Variants in RIMS2 observed in about 807,000 individuals in gnomAD.
RIMS2 encodes regulating synaptic membrane exocytosis 2, also known as regulating synaptic membrane exocytosis protein 2.
A neutral mutation model predicts 174.4 loss-of-function variants in RIMS2; 59 were observed. The ratio of observed to expected loss-of-function variants is 0.34; its 90% CI spans 0.27 to 0.42. The LOEUF is 0.42. Among genes scored for constraint, RIMS2 ranks in the 10% least tolerant of loss-of-function variants. The pLI, the probability that RIMS2 is intolerant of heterozygous loss-of-function variation, is 1.00. For missense variants in RIMS2, 1,620 were observed against 1,666.3 expected, an observed-to-expected ratio of 0.97 and a Z score of 0.48; for synonymous variants, 606 against 572.5, an observed-to-expected ratio of 1.06 and a Z score of -0.84.
At chr8:104,254,211 T>C (rs2099364937), downstream of RIMS2, 1 of 151,944 alleles carries the variant, frequency 6.6e-6, no homozygotes, top group South Asian at 2.1e-4. Flanking sequence ...GGTGTTTTTT[T>C]TTAATTTTCA....
intron 19 of RIMS2, among the ~76,000 whole-genome samples, chr8:104,090,067 T>TTATA (rs150424695): frequency 0.23 from 34,446 of 149,684 alleles, 4,187 homozygotes; most frequent in South Asian, 0.32. Flanking sequence ...CATATATATA[T>TTATA]TATATATATA....
intron 3 of RIMS2, among the ~76,000 whole-genome samples, chr8:103,847,289 A>G (rs1191433753): frequency 6.6e-6 from 1 of 152,068 alleles, no homozygotes; most frequent in Non-Finnish European, 1.5e-5. Context: ...GGGGCATAGC[A>G]GCTTATGATA....
At chr8:103,730,470 T>G (rs1257273369) in intron 2 of RIMS2, among the ~76,000 whole-genome samples, 1 of 152,178 alleles carries the variant, frequency 6.6e-6, no homozygotes, top group Non-Finnish European at 1.5e-5. Context: ...ATAGCTAACT[T>G]GTACACTTTA....
At chr8:103,926,728 G>A (rs924316034) in intron 10 of RIMS2, among the ~76,000 whole-genome samples, 2 of 151,420 alleles carry the variant, frequency 1.3e-5, no homozygotes, top group African/African-American at 4.8e-5. Flanking sequence ...TGGAATCTTG[G>A]TGATAGAAGC....
intron 1 of RIMS2, among the ~76,000 whole-genome samples, chr8:103,680,020 C>G (rs1393838268): frequency 6.6e-6 from 1 of 152,038 alleles, no homozygotes; most frequent in Non-Finnish European, 1.5e-5. Flanking sequence ...ACCACAAGGC[C>G]TAAATTAGCT....
intron 3 of RIMS2, among the ~76,000 whole-genome samples, chr8:103,788,004 A>G (rs200270053): frequency 9.3e-5 from 14 of 151,200 alleles, no homozygotes; most frequent in African/African-American, 3.4e-4. Context: ...TTCCCTTCTC[A>G]CTTCATTTCA....
chr8:104,058,897 C>T (rs192654583), intron 19 of RIMS2, among the ~76,000 whole-genome samples: 3,565 of 152,204 alleles, frequency 0.023, 125 homozygotes, highest in African/African-American at 0.073. Flanking sequence ...GGCGTTATTT[C>T]TGAGGGCTCT....
At chr8:104,212,977 G>A (rs2099112263) in intron 19 of RIMS2, among the ~76,000 whole-genome samples, 1 of 152,054 alleles carries the variant, frequency 6.6e-6, no homozygotes, top group Non-Finnish European at 1.5e-5. Context: ...TTCTTTACCT[G>A]TAAACCCCTA....
intron 12 of RIMS2, among the ~76,000 whole-genome samples, chr8:103,934,261 T>C (rs1165698849): frequency 6.6e-6 from 1 of 152,150 alleles, no homozygotes; most frequent in Non-Finnish European, 1.5e-5. Context: ...AGCAATTTGA[T>C]GATTCATTAA....
At chr8:103,936,527 A>G (rs2081284768) in intron 12 of RIMS2, 24 bp from the exon 15 acceptor site, 2 of 1,469,126 alleles carry the variant, frequency 1.4e-6, no homozygotes, top group Admixed American at 4.5e-5. Context: ...ATGTAAGTTC[A>G]TAATTCATTG....
At chr8:103,614,461 G>T (rs1299574756) in intron 1 of RIMS2, among the ~76,000 whole-genome samples, 4 of 152,226 alleles carry the variant, frequency 2.6e-5, no homozygotes, top group South Asian at 2.1e-4. Context: ...TCCTTCTCAT[G>T]CCCCTTTTAA....
chr8:103,919,953 T>C (rs1046635187), intron 9 of RIMS2, among the ~76,000 whole-genome samples: 2 of 152,164 alleles, frequency 1.3e-5, no homozygotes, highest in Non-Finnish European at 1.5e-5. Flanking sequence ...CTGTGCTTGA[T>C]GTTGTACCTA....
At chr8:103,912,114 A>C (rs1376893432) in exon 6 of RIMS2, 2 of 1,607,964 alleles carry the variant, frequency 1.2e-6, no homozygotes, top group South Asian at 2.2e-5. Context: ...ATTTTATTAA[A>C]TAAGCGTCTA....
chr8:103,604,612 T>C (rs1213904706), intron 1 of RIMS2, among the ~76,000 whole-genome samples: 2 of 150,414 alleles, frequency 1.3e-5, no homozygotes, highest in African/African-American at 4.9e-5. Flanking sequence ...TTCACGATAT[T>C]GATTCTTCCT....
At chr8:103,669,073 G>T (rs2096711632) in intron 1 of RIMS2, among the ~76,000 whole-genome samples, 1 of 152,198 alleles carries the variant, frequency 6.6e-6, no homozygotes. Flanking sequence ...ATAAAGGAAA[G>T]AGGTTTAATG....
intron 1 of RIMS2, among the ~76,000 whole-genome samples, chr8:103,518,365 A>T (rs1830028869): frequency 6.6e-6 from 1 of 151,866 alleles, no homozygotes; most frequent in South Asian, 2.1e-4. Flanking sequence ...ATAGCTGATG[A>T]GCTAAAAAAA....
In RIMS2 at chr8:103,869,439, C is replaced by T. The variant is rs143277223; in HGVS notation, c.699-15859C>T. Among the ~76,000 whole-genome samples, 288 of 151,804 alleles carry T rather than the reference C, an allele frequency of 1.9e-3. 2 individuals carry two copies. Among genetic ancestry groups the T allele is most frequent in the African/African-American group, 6.7e-3 (277 of 41,406 alleles). ...CTTGAACTCCTGACCTCAAGTGATC[C>T]GCCCATCTTGGCCTCCCAAAGTGCT... On this transcript the variant is annotated intron_variant, in intron 3 of 23. Coordinates refer to ENST00000504942, the Ensembl canonical transcript of RIMS2.
At chr8:104,035,769 A>G (rs2096500174) in intron 19 of RIMS2, among the ~76,000 whole-genome samples, 1 of 152,102 alleles carries the variant, frequency 6.6e-6, no homozygotes, top group Non-Finnish European at 1.5e-5. Flanking sequence ...TCCAGTCTGG[A>G]AAAAGGAATT....
chr8:103,544,684 T>C (rs117181381), intron 1 of RIMS2, among the ~76,000 whole-genome samples: 4,566 of 152,330 alleles, frequency 0.03, 102 homozygotes, highest in Non-Finnish European at 0.048. Flanking sequence ...GGCAAAGATA[T>C]GGCTTGTCTG....
Sources: allele counts gnomAD v4.1 joint callset (sites outside exome capture counted in the v4.1 genomes callset), GRCh38; gene constraint gnomAD v4.1.1; transcripts MANE v1.5; gene names NCBI Gene and HGNC (gene_info 2026-07-23, HGNC 2026-07-21).